The following C9 variants were observed in gnomAD, a reference collection of about 807,000 sequenced individuals.
The protein encoded by C9 is complement C9.
A neutral mutation model predicts 65.4 loss-of-function variants in C9; 63 were observed. The ratio of observed to expected loss-of-function variants is 0.96; its 90% confidence interval spans 0.79 to 1.19. The LOEUF (loss-of-function observed/expected upper bound fraction) is 1.19, where lower values mean the gene tolerates loss of function less well. Among genes scored for constraint, C9 ranks in the 50% most tolerant of loss-of-function variants. The pLI, the probability that C9 is intolerant of heterozygous loss-of-function variation, is 0.00. For synonymous variants in C9, 229 were observed against 227.9 expected (o/e 1.00, Z -0.04); for missense variants, 744 against 670.1 (o/e 1.11, Z -1.22).
rs188115836 is a variant in C9, at chr5:39,315,862, T to G, written c.783A>C (p.Ser261=). ...AACTACCCTTGCCATGTAAAGAAAT[T>G]GAGGAGGCTGTTTCCTCACAACATT... ...AEQCCEETAS[S]ISLHGKGSFR... Residue 261 remains serine, a synonymous_variant, in exon 6 of 11, where the codon TCA becomes TCC. Coordinates refer to ENST00000263408, the MANE Select transcript of C9 (RefSeq NM_001737.5). The G allele has an allele frequency of 2.5e-6, 4 of 1,612,772 alleles. No individual in the cohort carries two copies. The highest frequency in any genetic ancestry group is 2.5e-6 in the Non-Finnish European group (3 of 1,178,920).
intron 8 of C9, among the ~76,000 whole-genome samples, chr5:39,307,667 T>C (rs914615372): frequency 1.1e-4 from 17 of 152,180 alleles, no homozygotes; most frequent in Non-Finnish European, 2.4e-4. Flanking sequence ...TATTTCTGAT[T>C]AGAGGAAAAG....
chr5:39,319,828 G>A (rs564839277), intron 5 of C9, among the ~76,000 whole-genome samples: 1 of 152,152 alleles, frequency 6.6e-6, no homozygotes, highest in African/African-American at 2.4e-5. Context: ...GCCCACTTCT[G>A]TAGACTCCAG....
chr5:39,302,780 T>A (rs1419507648), intron 9 of C9, among the ~76,000 whole-genome samples: 1 of 152,122 alleles, frequency 6.6e-6, no homozygotes, highest in Non-Finnish European at 1.5e-5. Flanking sequence ...TTGCATGAAG[T>A]AGGTCACAAA....
intron 8 of C9, 89 bp from the exon 9 acceptor site, chr5:39,306,881 G>GT: frequency 1.2e-6 from 1 of 857,970 alleles, no homozygotes; most frequent in African/African-American, 1.7e-5. Context: ...CATTTATTGA[G>GT]TCCTTTTAGT....
intron 6 of C9, among the ~76,000 whole-genome samples, chr5:39,312,642 C>T (rs1487031337): frequency 6.6e-6 from 1 of 152,196 alleles, no homozygotes; most frequent in Non-Finnish European, 1.5e-5. Flanking sequence ...GGGCAGTGAA[C>T]TGTGTGATTC....
chr5:39,344,213 T>C (rs1341241345), intron 1 of C9, among the ~76,000 whole-genome samples: 2 of 152,136 alleles, frequency 1.3e-5, no homozygotes, highest in African/African-American at 4.8e-5. Context: ...CTACAGACGA[T>C]CAGACTTATC....
At position 39,288,800 on chromosome 5, in the gene C9, T is replaced by C. The variant is rs751923792; in HGVS notation, c.1568A>G (p.Asp523Gly). 2 of 1,612,492 alleles carry C rather than the reference T, an allele frequency of 1.2e-6. No individual in the cohort carries two copies. Among genetic ancestry groups the C allele is most frequent in the East Asian group, 4.5e-5 (2 of 44,784 alleles). Residue 523 changes from aspartate to glycine, a missense_variant, in exon 10 of 11, where the codon GAT becomes GGT. Coordinates refer to ENST00000263408, the MANE Select transcript of C9 (RefSeq NM_001737.5). ...TGGGCAGGCACACAAACACTTTCCATCCATTAGAATCACTGTACCTCCATT... is the reference window on the plus strand; with the variant it reads ...TGGGCAGGCACACAAACACTTTCCACCCATTAGAATCACTGTACCTCCATT... Reference protein sequence around the residue: ...CQNGGTVILMDGKCLCACPFK... With the variant: ...CQNGGTVILMGGKCLCACPFK...
rs556969993 is a variant in C9 at position 39,291,595 on chromosome 5, A to G, written c.1417-2644T>C. Among the ~76,000 whole-genome samples, 130 of 151,974 alleles carry G rather than the reference A, an allele frequency of 8.6e-4. 1 individual carries two copies. Among genetic ancestry groups the G allele is most frequent in the African/African-American group, 3.0e-3 (124 of 41,522 alleles). Reference sequence around the variant, plus strand: ...TGAATAAAAACTACGGTGAAAAATAATTTTGCAGCTAGGTATTATCAGAGA... The same window carrying G: ...TGAATAAAAACTACGGTGAAAAATAGTTTTGCAGCTAGGTATTATCAGAGA... On this transcript the variant is annotated intron_variant, in intron 9 of 10. Transcript: ENST00000263408.
intron 4 of C9, 150 bp from the exon 5 acceptor site, chr5:39,331,964 G>A: frequency 1.3e-6 from 1 of 770,474 alleles, no homozygotes; most frequent in Admixed American, 1.9e-5. Context: ...GCAAGAGCCT[G>A]TTCACCTTGG....
At chr5:39,363,484 T>C (rs901864786) in intron 1 of C9, among the ~76,000 whole-genome samples, 2 of 152,168 alleles carry the variant, frequency 1.3e-5, no homozygotes, top group Non-Finnish European at 2.9e-5. Flanking sequence ...AAATGACTAA[T>C]GAGGAATTGG....
intron 4 of C9, among the ~76,000 whole-genome samples, chr5:39,334,534 C>T (rs1459687110): frequency 3.7e-5 from 5 of 133,338 alleles, no homozygotes; most frequent in African/African-American, 8.1e-5. Context: ...GGTCAGCCCC[C>T]GCCAGGCCAG....
In C9 at chr5:39,311,328, A is replaced by G; in HGVS notation, c.920T>C (p.Val307Ala). 1.2e-6 allele frequency: 2 copies of G among 1,612,972 alleles called. No individual in the cohort carries two copies. The highest frequency in any genetic ancestry group is 1.7e-6 in the Non-Finnish European group (2 of 1,179,048). The change falls in exon 7 of 11, where the codon GTA (valine) becomes GCA (alanine). Residue 307 changes from valine to alanine, a missense_variant. By Grantham distance (64) the Val-to-Ala change is moderately conservative. Transcript: ENST00000263408. The part of the protein sequence containing the change: ...VKGEIHLGRF[V>A]MRNRDVVLTT... The stretch of plus-strand genomic sequence containing the variant: ...GAGCACAACATCGCGATTTCTCATT[A>G]CAAATCTTCCCAGATGAATTTCTCC...
chr5:39,313,102 G>A (rs1448002046), intron 6 of C9, among the ~76,000 whole-genome samples: 1 of 152,140 alleles, frequency 6.6e-6, no homozygotes, highest in Non-Finnish European at 1.5e-5. Context: ...GTAGCTCTTA[G>A]CTCATTATCA....
intron 1 of C9, among the ~76,000 whole-genome samples, chr5:39,360,755 T>G (rs1754502484): frequency 6.6e-6 from 1 of 152,216 alleles, no homozygotes; most frequent in Non-Finnish European, 1.5e-5. Flanking sequence ...CCTATTTTTT[T>G]TTTAACCTAT....
chr5:39,333,644 GTCTCCC>G (rs1340556100), intron 4 of C9, among the ~76,000 whole-genome samples: 3 of 145,996 alleles, frequency 2.1e-5, no homozygotes, highest in Admixed American at 7.2e-5. Context: ...TCTTTCCACG[GTCTCCC>G]TCTCATGCCG....
rs376398107 is a variant in C9, at chr5:39,313,441, CTCT to C, written c.871-2067_871-2065del. Among the ~76,000 whole-genome samples, 333 of 152,258 alleles carry C rather than the reference CTCT, an allele frequency of 2.2e-3. 1 individual carries two copies. The highest frequency in any genetic ancestry group is 7.7e-3 in the African/African-American group (318 of 41,550). On this transcript the variant is annotated intron_variant, in intron 6 of 10. Transcript: ENST00000263408. ...AGCACAATTGACACAGTTCATCACTCTCTTCTTCTTAATAGAGATTATTTTCTT... is the reference window on the plus strand; with the variant it reads ...AGCACAATTGACACAGTTCATCACTCTCTTCTTAATAGAGATTATTTTCTT...
chr5:39,361,074 T>G (rs1011878794), intron 1 of C9, among the ~76,000 whole-genome samples: 1 of 151,468 alleles, frequency 6.6e-6, no homozygotes, highest in African/African-American at 2.4e-5. Flanking sequence ...TTCCCACATA[T>G]TGACTCAGAA....
chr5:39,326,716 C>G (rs1753752999), intron 5 of C9, among the ~76,000 whole-genome samples: 1 of 152,150 alleles, frequency 6.6e-6, no homozygotes, highest in Non-Finnish European at 1.5e-5. Context: ...ATATTTTCCA[C>G]TTGAGAAACA....
chr5:39,301,836 C>A (rs1753289683), intron 9 of C9, among the ~76,000 whole-genome samples: 1 of 151,992 alleles, frequency 6.6e-6, no homozygotes, highest in African/African-American at 2.4e-5. Flanking sequence ...CCAGTGTAGT[C>A]TTTTATGAAT....
Sources: gnomAD v4.1 joint callset for allele counts (sites outside exome capture counted in the v4.1 genomes callset) on GRCh38, gnomAD v4.1.1 for gene constraint, MANE v1.5 for transcripts, NCBI Gene and HGNC (gene_info 2026-07-23, HGNC 2026-07-21) for gene names.